Variants in EIF3E observed in about 807,000 individuals in gnomAD.
The protein encoded by EIF3E is eukaryotic translation initiation factor 3 subunit E.
Under a neutral mutation model 59.3 loss-of-function variants are expected in EIF3E, and 25 were observed. That is an observed-to-expected ratio of 0.42 (90% CI 0.31 to 0.59). The LOEUF (loss-of-function observed/expected upper bound fraction) is 0.59. Ranked by LOEUF, EIF3E falls within the 20% of genes least tolerant of loss-of-function variation. EIF3E has a pLI of 0.15. For missense variants in EIF3E, 317 were observed against 534.3 expected (o/e 0.59, Z 4.01); for synonymous variants, 176 against 170.2 (o/e 1.03, Z -0.26).
chr8:108,205,218 GA>G (rs1486026617), intron 10 of EIF3E, among the ~76,000 whole-genome samples: 1 of 152,078 alleles, frequency 6.6e-6, no homozygotes, highest in Non-Finnish European at 1.5e-5. Context: ...TTGTTTTACT[GA>G]ATATCTGCTT....
intron 1 of EIF3E, among the ~76,000 whole-genome samples, chr8:108,243,681 T>C (rs1433060069): frequency 6.6e-6 from 1 of 151,788 alleles, no homozygotes; most frequent in Non-Finnish European, 1.5e-5. Flanking sequence ...AATGTTTTAT[T>C]TATTAATCTG....
intron 3 of EIF3E, among the ~76,000 whole-genome samples, chr8:108,239,335 C>T (rs1021493980): frequency 3.3e-5 from 5 of 152,094 alleles, no homozygotes; most frequent in African/African-American, 1.2e-4. Context: ...AGACTACAAG[C>T]GCACACCACC....
intron 7 of EIF3E, chr8:108,226,398 T>C (rs187656243): frequency 6.6e-6 from 1 of 152,240 alleles, no homozygotes; most frequent in East Asian, 1.9e-4. Flanking sequence ...TTTCACCACG[T>C]TGACCATGGC....
At chr8:108,216,979 C>T (rs982679694) in intron 8 of EIF3E, among the ~76,000 whole-genome samples, 3 of 152,112 alleles carry the variant, frequency 2.0e-5, no homozygotes, top group African/African-American at 4.8e-5. Flanking sequence ...TCTATTGAAA[C>T]GGTATTGTAT....
intron 7 of EIF3E, among the ~76,000 whole-genome samples, chr8:108,218,557 C>T (rs1815345892): frequency 6.6e-6 from 1 of 152,072 alleles, no homozygotes; most frequent in African/African-American, 2.4e-5. Context: ...AAAGAATATC[C>T]ACTCAAGAAT....
intron 1 of EIF3E, chr8:108,242,708 G>C (rs1429186367): frequency 1.9e-6 from 2 of 1,048,220 alleles, no homozygotes; most frequent in African/African-American, 3.4e-5. Context: ...AAATGAGTAA[G>C]ACAAGACAGA....
Position 108,229,212 on chromosome 8 carries a change from A to G in EIF3E, c.472-17T>C, listed in dbSNP as rs772936133. The G allele has an allele frequency of 2.5e-6, 4 of 1,610,510 alleles. No homozygotes were observed. The highest frequency in any genetic ancestry group is 3.4e-6 in the Non-Finnish European group (4 of 1,177,822). On this transcript the variant is annotated splice_polypyrimidine_tract_variant and intron_variant, in intron 5 of 12. Transcript: ENST00000220849. ...TGCTGGAACCTGTTTAAGAAATCAT[A>G]ATTAATTATATTGTGAATACTCTTG...
chr8:108,217,299 T>TAA, intron 8 of EIF3E, 35 bp downstream of exon 8: 1 of 1,422,884 alleles, frequency 7.0e-7, no homozygotes, highest in Non-Finnish European at 9.3e-7. Context: ...GCTTAGGTAT[T>TAA]TAAAAAAAAA....
chr8:108,244,067 T>C (rs776072141), intron 1 of EIF3E, among the ~76,000 whole-genome samples: 25 of 152,168 alleles, frequency 1.6e-4, no homozygotes, highest in Admixed American at 1.4e-3. Context: ...GAAGCAACAA[T>C]TGAAAATACT....
rs1415100398 is a variant in EIF3E at position 108,217,427 on chromosome 8, G to A, written c.756C>T (p.His252=). 1 of 1,603,812 alleles carries A rather than the reference G, an allele frequency of 6.2e-7. No homozygotes were observed. The highest frequency in any genetic ancestry group is 2.0e-4 in the Middle Eastern group (1 of 4,972). Residue 252 remains histidine (H), a synonymous_variant, in exon 8 of 13, where the codon CAC becomes CAT. Coordinates refer to ENST00000220849, the MANE Select transcript of EIF3E (RefSeq NM_001568.3). ...CTGCTGTAGTCAAATAGCGAAGAAT[G>A]TGTGGACACATTGTCTGAATTGCAT... ...YLNAIQTMCP[H]ILRYLTTAVI...
chr8:108,203,235 T>C, intron 11 of EIF3E, 118 bp from the exon 12 acceptor site: 1 of 1,258,890 alleles, frequency 7.9e-7, no homozygotes, highest in Non-Finnish European at 1.1e-6. Flanking sequence ...GATGACAATA[T>C]TTACCAAGGA....
chr8:108,242,394 G>A, intron 1 of EIF3E: 1 of 1,289,278 alleles, frequency 7.8e-7, no homozygotes, highest in South Asian at 1.2e-5. Context: ...CTTTTGCTTT[G>A]CAAAGGATCC....
intron 5 of EIF3E, among the ~76,000 whole-genome samples, chr8:108,232,367 A>G (rs1221217206): frequency 6.6e-6 from 1 of 152,176 alleles, no homozygotes; most frequent in Non-Finnish European, 1.5e-5. Context: ...TCTTGATGTA[A>G]AACATATTAA....
At chr8:108,248,009 T>G (rs889035932) in intron 1 of EIF3E, among the ~76,000 whole-genome samples, 2 of 87,684 alleles carry the variant, frequency 2.3e-5, no homozygotes, top group African/African-American at 9.0e-5. Flanking sequence ...CATTTAAAGA[T>G]TGGAGGGATT....
intron 10 of EIF3E, among the ~76,000 whole-genome samples, chr8:108,210,091 C>T (rs1405159510): frequency 6.6e-6 from 1 of 151,074 alleles, no homozygotes; most frequent in Non-Finnish European, 1.5e-5. Context: ...ACTTAGAGGA[C>T]CTTTTTTTAA....
chr8:108,221,034 A>G (rs1173523493), intron 7 of EIF3E, among the ~76,000 whole-genome samples: 1 of 143,486 alleles, frequency 7.0e-6, no homozygotes, highest in Non-Finnish European at 1.5e-5. Flanking sequence ...ACATGGACAG[A>G]CAGGAAAGGA....
chr8:108,221,755 AC>A (rs35346568), intron 7 of EIF3E, among the ~76,000 whole-genome samples: 11,034 of 151,944 alleles, frequency 0.073, 1,269 homozygotes, highest in African/African-American at 0.24. Flanking sequence ...CTCTGTCTCA[AC>A]TACTTAGATC....
intron 10 of EIF3E, among the ~76,000 whole-genome samples, chr8:108,206,482 C>T (rs948952683): frequency 3.3e-5 from 5 of 151,964 alleles, no homozygotes; most frequent in African/African-American, 1.2e-4. Context: ...GTGAAAATTC[C>T]ATTCTAGGCT....
At chr8:108,203,366 C>T (rs1815031359) in intron 11 of EIF3E, 35 bp downstream of exon 11, 2 of 1,552,826 alleles carry the variant, frequency 1.3e-6, no homozygotes, top group African/African-American at 2.7e-5. Context: ...TAATCAGGAA[C>T]TGATAGTATG....
Sources: gnomAD v4.1 joint callset for allele counts (sites outside exome capture counted in the v4.1 genomes callset) on GRCh38, gnomAD v4.1.1 for gene constraint, MANE v1.5 for transcripts, NCBI Gene and HGNC (gene_info 2026-07-23, HGNC 2026-07-21) for gene names.